Variants in TTC17 observed in about 807,000 individuals in gnomAD.
The protein encoded by TTC17 is tetratricopeptide repeat protein 17.
A neutral mutation model predicts 143.8 loss-of-function variants in TTC17; 58 were observed. The observed-to-expected ratio is 0.40, with a 90% CI of 0.33 to 0.50. TTC17 has a LOEUF of 0.50. Ranked by LOEUF, TTC17 falls within the 20% of genes least tolerant of loss-of-function variation. The pLI, the probability that TTC17 is intolerant of heterozygous loss-of-function variation, is 0.49. For missense variants in TTC17, 1,273 were observed against 1,392.5 expected, an observed-to-expected ratio of 0.91 and a Z score of 1.37; for synonymous variants, 501 against 497.8, an observed-to-expected ratio of 1.01 and a Z score of -0.09.
chr11:43,376,026 T>A (rs1052185213), intron 1 of TTC17, among the ~76,000 whole-genome samples: 2 of 152,176 alleles, frequency 1.3e-5, no homozygotes, highest in Non-Finnish European at 2.9e-5. Context: ...TATTTACTCA[T>A]GTTATATATA....
intron 16 of TTC17, among the ~76,000 whole-genome samples, chr11:43,440,633 C>T (rs1326297400): frequency 6.6e-6 from 1 of 152,050 alleles, no homozygotes; most frequent in Non-Finnish European, 1.5e-5. Flanking sequence ...GTCTCTTTGT[C>T]TTCTGTCTTC....
intron 16 of TTC17, among the ~76,000 whole-genome samples, chr11:43,422,006 G>C (rs1381201862): frequency 6.6e-6 from 1 of 152,180 alleles, no homozygotes; most frequent in Non-Finnish European, 1.5e-5. Context: ...ATAGACTAGT[G>C]GGGTAAGAGC....
At chr11:43,493,751 T>C (rs1335806331) in intron 23 of TTC17, 22 bp from the exon 24 acceptor site, 1 of 1,613,932 alleles carries the variant, frequency 6.2e-7, no homozygotes, top group Non-Finnish European at 8.5e-7. Context: ...TCCCCTCACA[T>C]TTCTCTCCTT....
rs371419517 is a variant in TTC17 at position 43,449,824 on chromosome 11, CTG to C, written c.2787-255_2787-254del. The C allele has an allele frequency of 5.0e-4, 203 of 403,756 alleles. 2 individuals carry two copies. The East Asian group carries it at 9.0e-3, about 18-fold the overall frequency. 25.0% of individuals were successfully genotyped at this position (403,756 alleles called of 1,614,324 possible). On this transcript the variant is annotated intron_variant, in intron 19 of 23. Coordinates refer to ENST00000039989, the MANE Select transcript of TTC17 (RefSeq NM_018259.6). Reference sequence around the variant, plus strand: ...CTGTCTAAGCTTTAGGTAACTTTTTCTGTGGGGAGGAATGTGCTGCTGTGCAT... The same window carrying C: ...CTGTCTAAGCTTTAGGTAACTTTTTCTGGGGAGGAATGTGCTGCTGTGCAT...
chr11:43,407,615 G>T, intron 15 of TTC17, 38 bp downstream of exon 15: 1 of 1,545,800 alleles, frequency 6.5e-7, no homozygotes. Flanking sequence ...CGTATACTAT[G>T]TAGGGTAACT....
chr11:43,452,827 G>A (rs1419499640), intron 21 of TTC17, among the ~76,000 whole-genome samples: 1 of 151,632 alleles, frequency 6.6e-6, no homozygotes, highest in African/African-American at 2.4e-5. Context: ...AGAGATTGAG[G>A]TGGAAGGATC....
chr11:43,386,758 T>G (rs1311523422), intron 2 of TTC17, among the ~76,000 whole-genome samples: 2 of 151,994 alleles, frequency 1.3e-5, no homozygotes, highest in Non-Finnish European at 2.9e-5. Flanking sequence ...TTCTATAGAT[T>G]AATTTCTTAC....
intron 2 of TTC17, among the ~76,000 whole-genome samples, chr11:43,384,102 A>G (rs1214221358): frequency 6.6e-6 from 1 of 151,594 alleles, no homozygotes; most frequent in Non-Finnish European, 1.5e-5. Flanking sequence ...CTATGATAGT[A>G]CCACCGCACT....
At position 43,400,094 on chromosome 11, in the gene TTC17, T is replaced by C. The variant is rs539651758; in HGVS notation, c.1219+46T>C. Reference sequence around the variant, plus strand: ...ATTGAAGACAGGTTAGGAAATTCACTTTTAGCATGCTTTACTATCATAACT... The same window carrying C: ...ATTGAAGACAGGTTAGGAAATTCACCTTTAGCATGCTTTACTATCATAACT... On this transcript the variant is annotated intron_variant, in intron 9 of 23. Transcript: ENST00000039989. The C allele has an allele frequency of 4.4e-6, 7 of 1,578,164 alleles. No homozygotes were observed. In the African/African-American group the frequency reaches 9.5e-5, roughly 21 times the overall value.
chr11:43,449,622 T>A (rs1184850731), intron 19 of TTC17: 1 of 152,700 alleles, frequency 6.5e-6, no homozygotes, highest in African/African-American at 2.4e-5. Context: ...GAGTGAATGT[T>A]TGCCTAATAA....
rs867428558 is a variant in TTC17, at chr11:43,490,303, A to G, written c.3095A>G (p.Lys1032Arg). The G allele has an allele frequency of 3.7e-6, 6 of 1,612,842 alleles. No individual in the cohort carries two copies. The African/African-American group carries it at 5.3e-5, about 14-fold the overall frequency. ...TACTGGAGGGTGAAAGGCCAAGGAA[A>G]GAAGGCAATCGACTGCCTCCGCCAG... ...ALYWRVKGQG[K>R]KAIDCLRQAL... Residue 1032 changes from lysine (K) to arginine (R), a missense_variant, in exon 22 of 24, where the codon AAG becomes AGG. By Grantham distance (26) the Lys-to-Arg change is conservative. Transcript: ENST00000039989.
At chr11:43,491,773 C>A in intron 22 of TTC17, 1 of 500,392 alleles carries the variant, frequency 2.0e-6, no homozygotes, top group African/African-American at 1.9e-5. Flanking sequence ...TTGTTTACTT[C>A]AGCTGACATT....
chr11:43,400,874 A>T (rs932143915), intron 9 of TTC17, among the ~76,000 whole-genome samples: 2 of 152,196 alleles, frequency 1.3e-5, no homozygotes, highest in African/African-American at 4.8e-5. Context: ...ACAGAGAATA[A>T]ATTAATAGAA....
chr11:43,489,598 C>A (rs928197502), intron 21 of TTC17, among the ~76,000 whole-genome samples: 1 of 151,858 alleles, frequency 6.6e-6, no homozygotes, highest in Non-Finnish European at 1.5e-5. Flanking sequence ...ATTAGACAGG[C>A]GTGGTGGTGC....
intron 18 of TTC17, chr11:43,446,049 G>A: frequency 6.6e-7 from 1 of 1,523,770 alleles, no homozygotes; most frequent in South Asian, 1.2e-5. Flanking sequence ...ATGTGGGCTT[G>A]AAGCCTTCCC....
At position 43,454,926 on chromosome 11, in the gene TTC17, A is replaced by G. The variant is rs535133136; in HGVS notation, c.3030+3661A>G. 6.2e-4 allele frequency among the ~76,000 whole-genome samples: 94 copies of G among 152,138 alleles called. 1 individual carries two copies. The highest frequency in any genetic ancestry group is 6.8e-3 in the Middle Eastern group (2 of 294). On this transcript the variant is annotated intron_variant, in intron 21 of 23. Transcript: ENST00000039989. ...CTAAATAGCATAATCAGTAAGGTAG[A>G]TCTTATTAGATATATCAAACTCTGA...
intron 10 of TTC17, among the ~76,000 whole-genome samples, chr11:43,402,483 G>A (rs530791986): frequency 6.6e-6 from 1 of 151,868 alleles, no homozygotes; most frequent in East Asian, 1.9e-4. Context: ...ATCTAGTTGG[G>A]AAGAACTAAC....
At chr11:43,391,992 A>G in intron 5 of TTC17, 40 bp downstream of exon 5, 1 of 1,566,190 alleles carries the variant, frequency 6.4e-7, no homozygotes, top group Non-Finnish European at 8.6e-7. Flanking sequence ...GGGCTGAGCC[A>G]GCGGGCTCTG....
intron 16 of TTC17, among the ~76,000 whole-genome samples, chr11:43,440,951 A>G (rs1444370726): frequency 6.6e-6 from 1 of 150,788 alleles, no homozygotes; most frequent in Non-Finnish European, 1.5e-5. Context: ...GAGTCTATGC[A>G]TACATGCTTT....
Sources: gnomAD v4.1 joint callset for allele counts (sites outside exome capture counted in the v4.1 genomes callset) on GRCh38, gnomAD v4.1.1 for gene constraint, MANE v1.5 for transcripts, NCBI Gene and HGNC (gene_info 2026-07-23, HGNC 2026-07-21) for gene names.